The following SNTB2 variants were observed in gnomAD, a reference collection of about 807,000 sequenced individuals.
SNTB2 encodes beta-2-syntrophin.
Under a neutral mutation model 46.2 loss-of-function variants are expected in SNTB2, and 34 were observed. The observed-to-expected ratio is 0.74, with a 90% CI of 0.56 to 0.98. SNTB2 has a LOEUF of 0.98. Ranked by LOEUF, SNTB2 falls within the 50% of genes least tolerant of loss-of-function variation. The pLI, the probability that SNTB2 is intolerant of heterozygous loss-of-function variation, is 0.00. For missense variants in SNTB2, 603 were observed against 731.4 expected, an observed-to-expected ratio of 0.82 and a Z score of 2.02; for synonymous variants, 290 against 312.6, an observed-to-expected ratio of 0.93 and a Z score of 0.76.
At chr16:69,239,077 T>C (rs1278277431) in intron 1 of SNTB2, among the ~76,000 whole-genome samples, 1 of 152,110 alleles carries the variant, frequency 6.6e-6, no homozygotes. Flanking sequence ...TGTCTAACAC[T>C]CCTGTTAGTA....
chr16:69,295,864 T>C (rs968450008), intron 5 of SNTB2, among the ~76,000 whole-genome samples: 10 of 152,206 alleles, frequency 6.6e-5, no homozygotes, highest in Non-Finnish European at 1.5e-4. Flanking sequence ...TAATCATCAT[T>C]GCATCACTGT....
intron 1 of SNTB2, among the ~76,000 whole-genome samples, chr16:69,200,972 C>T (rs971868347): frequency 5.3e-5 from 8 of 152,154 alleles, no homozygotes; most frequent in South Asian, 2.1e-4. Flanking sequence ...AACACTTTAC[C>T]GAGTTGCTGC....
At chr16:69,201,869 T>C (rs1964165063) in intron 1 of SNTB2, among the ~76,000 whole-genome samples, 1 of 152,204 alleles carries the variant, frequency 6.6e-6, no homozygotes, top group Non-Finnish European at 1.5e-5. Flanking sequence ...TGTCCTCTTC[T>C]TCTGTGCTTC....
At chr16:69,264,702 A>T (rs575988360) in intron 3 of SNTB2, among the ~76,000 whole-genome samples, 1 of 152,112 alleles carries the variant, frequency 6.6e-6, no homozygotes, top group Non-Finnish European at 1.5e-5. Context: ...AAGAAGAAAG[A>T]AAAAAAAGAA....
intron 3 of SNTB2, 123 bp from the exon 4 acceptor site, chr16:69,270,020 T>C (rs1271898862): frequency 1.9e-6 from 2 of 1,060,134 alleles, no homozygotes; most frequent in Non-Finnish European, 2.9e-6. Context: ...GTTTCCTGAA[T>C]GTAAAGTCCA....
intron 1 of SNTB2, among the ~76,000 whole-genome samples, chr16:69,221,847 ATTCAGATC>A (rs1298297332): frequency 9.9e-5 from 15 of 152,202 alleles, no homozygotes; most frequent in Non-Finnish European, 2.1e-4. Flanking sequence ...AAGGGCTTGA[ATTCAGATC>A]TTGGTTAATA....
Position 69,187,518 on chromosome 16 carries a change from G to T in SNTB2, c.352G>T (p.Val118Leu). 3.7e-6 allele frequency: 5 copies of T among 1,360,182 alleles called. No individual in the cohort carries two copies. Among genetic ancestry groups the T allele is most frequent in the Non-Finnish European group, 4.8e-6 (5 of 1,043,282 alleles). 84.3% of individuals were successfully genotyped at this position (1,360,182 alleles called of 1,614,324 possible). A position where few individuals can be genotyped will look rare whatever the true frequency, so the allele number is the denominator to read the frequency against. ...GASPPVRRVR[V>L]VKQEAGGLGI... ...GTCGCCGCCCGTGCGCCGGGTGCGG[G>T]TGGTGAAGCAAGAGGCGGGCGGCCT... The change falls in exon 1 of 7, where the codon GTG becomes TTG. Residue 118 changes from valine (V) to leucine (L), a missense_variant. Physicochemically the swap from Val to Leu is conservative, Grantham distance 32 (BLOSUM62 1). Around this residue, in one of 2 missense-constraint regions of SNTB2, gnomAD observed 537 missense variants for 692.4 expected, o/e 0.78. Transcript: ENST00000336278.
At chr16:69,207,156 T>TTCTTTC (rs765805895) in intron 1 of SNTB2, among the ~76,000 whole-genome samples, 1 of 141,746 alleles carries the variant, frequency 7.1e-6, no homozygotes, top group Non-Finnish European at 1.6e-5. Flanking sequence ...CTTTCTTTCT[T>TTCTTTC]TTTTTTTTTT....
Position 69,245,524 on chromosome 16 carries a change from T to C in SNTB2, c.581-78T>C. 3 of 1,341,790 alleles carry C rather than the reference T, an allele frequency of 2.2e-6. No individual in the cohort carries two copies. The South Asian group carries it at 3.6e-5, about 16-fold the overall frequency. The allele number at this position is 1,341,790 out of a possible 1,614,324, so 83.1% of individuals were successfully genotyped here. ...CCTCCACTTTGTTATAGATATAGCA[T>C]GTATGTGAATACTTTAGTTATCATT... On this transcript the variant is annotated intron_variant, in intron 1 of 6. Transcript: ENST00000336278.
chr16:69,261,270 T>C (rs1171501052), intron 3 of SNTB2, among the ~76,000 whole-genome samples: 1 of 152,078 alleles, frequency 6.6e-6, no homozygotes, highest in East Asian at 1.9e-4. Flanking sequence ...AAGTACAGTT[T>C]CCCACTGGTT....
intron 2 of SNTB2, among the ~76,000 whole-genome samples, chr16:69,253,109 T>C (rs1376127017): frequency 2.0e-5 from 3 of 151,238 alleles, no homozygotes; most frequent in East Asian, 2.0e-4. Context: ...CTGTGTTAGC[T>C]AGGATGGTCT....
intron 2 of SNTB2, among the ~76,000 whole-genome samples, chr16:69,255,444 C>A (rs1274896718): frequency 6.6e-6 from 1 of 151,628 alleles, no homozygotes; most frequent in Non-Finnish European, 1.5e-5. Flanking sequence ...CCTGTAGTCA[C>A]AACTACTCGA....
In SNTB2 at chr16:69,308,990, A is replaced by G. The variant is rs1393829142; in HGVS notation, c.*8066A>G. 1 of 152,488 alleles carries G rather than the reference A, an allele frequency of 6.6e-6. No individual in the cohort carries two copies. Among genetic ancestry groups the G allele is most frequent in the Non-Finnish European group, 1.5e-5 (1 of 68,024 alleles). The allele number at this position is 152,488 out of a possible 1,614,324, so 9.4% of individuals were successfully genotyped here. A position where few individuals can be genotyped will look rare whatever the true frequency, so the allele number is the denominator to read the frequency against. The stretch of plus-strand genomic sequence containing the variant: ...AAAATGTGTAACTTAAGGGTATTAT[A>G]TATATAAATACATATATACCTTTGT... On this transcript the variant is annotated 3_prime_UTR_variant, in exon 7 of 7. Transcript: ENST00000336278.
chr16:69,201,696 A>C lies in SNTB2; in HGVS notation c.580+13950A>C, dbSNP rs116451862. Reference sequence around the variant, plus strand: ...ACAAAAAGCCCAGAGCAAACCAAAAAACCAAAAATGTTTGAGAAATTATTC... The same window carrying C: ...ACAAAAAGCCCAGAGCAAACCAAAACACCAAAAATGTTTGAGAAATTATTC... On this transcript the variant is annotated intron_variant, in intron 1 of 6. Coordinates refer to ENST00000336278, the MANE Select transcript of SNTB2 (RefSeq NM_006750.4). Among the ~76,000 whole-genome samples the C allele has an allele frequency of 5.2e-3, 792 of 152,318 alleles. 4 individuals are homozygous for C. The highest frequency in any genetic ancestry group is 0.017 in the African/African-American group (699 of 41,566).
At chr16:69,230,314 A>T (rs1036656236) in intron 1 of SNTB2, 1 of 151,832 alleles carries the variant, frequency 6.6e-6, no homozygotes, top group African/African-American at 2.4e-5. Flanking sequence ...GCTTGCTTTA[A>T]TCACTTACCA....
At chr16:69,261,408 T>TG (rs1212280930) in intron 3 of SNTB2, among the ~76,000 whole-genome samples, 5 of 152,016 alleles carry the variant, frequency 3.3e-5, no homozygotes, top group African/African-American at 1.2e-4. Context: ...CTGGTGATCT[T>TG]GGTGGTACCA....
chr16:69,245,808 G>C lies in SNTB2; in HGVS notation c.787G>C (p.Glu263Gln), dbSNP rs1163277375. 1.9e-6 allele frequency: 3 copies of C among 1,613,930 alleles called. No homozygotes were observed. In the South Asian group the frequency reaches 3.3e-5, roughly 18 times the overall value. ...AARNLSMPDL[E>Q]NRLIELHSPD... ...TAGAAACCTAAGCATGCCGGATCTGGAAAACAGGTGAGGTGTACCTAACAA... is the reference window on the plus strand; with the variant it reads ...TAGAAACCTAAGCATGCCGGATCTGCAAAACAGGTGAGGTGTACCTAACAA... The change falls in exon 2 of 7, where the codon GAA (glutamate) becomes CAA (glutamine). Residue 263 changes from glutamate to glutamine, a missense_variant. Glu to Gln is a conservative substitution (Grantham distance 29). This residue lies in a region of SNTB2 where 537 missense variants were observed against 692.4 expected (regional missense o/e 0.78). Transcript: ENST00000336278.
In SNTB2 at chr16:69,193,535, G is replaced by T. The variant is rs56758285; in HGVS notation, c.580+5789G>T. 7.3e-3 allele frequency among the ~76,000 whole-genome samples: 1,106 copies of T among 151,300 alleles called. 9 individuals carry two copies. The highest frequency in any genetic ancestry group is 0.023 in the African/African-American group (953 of 41,244). On this transcript the variant is annotated intron_variant, in intron 1 of 6. Coordinates refer to ENST00000336278, the MANE Select transcript of SNTB2 (RefSeq NM_006750.4). ...GTAGAGACAGGGTTTCTCCATGTTG[G>T]CCAGGCTGGTCTCAAACTCCTGACC...
At position 69,187,248 on chromosome 16, in the gene SNTB2, G is replaced by A. The variant is rs932033139; in HGVS notation, c.82G>A (p.Val28Met). Residue 28 changes from valine (V) to methionine (M), a missense_variant, in exon 1 of 7, where the codon GTG becomes ATG. Val to Met is a conservative substitution (Grantham distance 21). Around this residue, in one of 2 missense-constraint regions of SNTB2, gnomAD observed 537 missense variants for 692.4 expected, o/e 0.78. Transcript: ENST00000336278. ...VWTRATKAGL[V>M]ELLLRERWVR... ...GACGCGGGCCACCAAAGCGGGGCTG[G>A]TGGAGCTGCTCCTGAGGGAGCGCTG... 1.4e-6 allele frequency: 2 copies of A among 1,480,014 alleles called. No individual in the cohort carries two copies. Among genetic ancestry groups the A allele is most frequent in the East Asian group, 2.8e-5 (1 of 35,824 alleles). The allele number at this position is 1,480,014 out of a possible 1,614,324, so 91.7% of individuals were successfully genotyped here.
Sources: allele counts gnomAD v4.1 joint callset (sites outside exome capture counted in the v4.1 genomes callset), GRCh38; gene constraint gnomAD v4.1.1; regional missense constraint gnomAD v4.1.1; transcripts MANE v1.5; gene names NCBI Gene and HGNC (gene_info 2026-07-23, HGNC 2026-07-21).